Variants in OSR1 observed in about 807,000 individuals in gnomAD.
OSR1 encodes odd-skipped related transcription factor 1, also known as protein odd-skipped-related 1.
Under a neutral mutation model 15.7 loss-of-function variants are expected in OSR1, and 3 were observed. That is an observed-to-expected ratio of 0.19 (90% confidence interval 0.09 to 0.50). The LOEUF is 0.50. Among genes scored for constraint, OSR1 ranks in the 20% least tolerant of loss-of-function variants. OSR1 has a pLI of 0.97. For missense variants in OSR1, 271 were observed against 351.1 expected (o/e 0.77, Z 1.82); for synonymous variants, 166 against 152.7 (o/e 1.09, Z -0.64).
Position 19,352,234 on chromosome 2 carries a change from G to A in OSR1, c.*41C>T. 1 of 1,608,302 alleles carries A rather than the reference G, an allele frequency of 6.2e-7. No individual in the cohort carries two copies. The highest frequency in any genetic ancestry group is 2.2e-5 in the East Asian group (1 of 44,792). Reference sequence around the variant, plus strand: ...AGGCTTCTGGTCCCTATGGAGGAGAGGGCCGCTGGGCCTAGGGTCCTTGTG... The same window carrying A: ...AGGCTTCTGGTCCCTATGGAGGAGAAGGCCGCTGGGCCTAGGGTCCTTGTG... On this transcript the variant is annotated 3_prime_UTR_variant, in exon 3 of 3. Coordinates refer to ENST00000272223, the MANE Select transcript of OSR1 (RefSeq NM_145260.3).
chr2:19,350,061 CG>C (rs1664806841), downstream of OSR1, among the ~76,000 whole-genome samples: 1 of 152,130 alleles, frequency 6.6e-6, no homozygotes, highest in South Asian at 2.1e-4. Context: ...GGGCCGCGCG[CG>C]ACCTTGTGAA....
At chr2:19,356,627 G>C (rs1215963918) in intron 1 of OSR1, 1 of 152,240 alleles carries the variant, frequency 6.6e-6, no homozygotes, top group Non-Finnish European at 1.5e-5. Flanking sequence ...GAATACTTTC[G>C]ATCTTTAAAC....
chr2:19,353,454 C>G lies in OSR1; in HGVS notation c.352G>C (p.Asp118His). ...VPALKTKPRF[D>H]FANLALAATQ... ...GCTGCCAAGGCCAGGTTGGCAAAAT[C>G]AAAGCGCGGCTTGGTCTTGAGCGCT... Residue 118 changes from aspartate (D) to histidine (H), a missense_variant, in exon 2 of 3, where the codon GAT becomes CAT. Physicochemically the swap from Asp to His is moderately conservative, Grantham distance 81. Transcript: ENST00000272223. 1 of 1,614,008 alleles carries G rather than the reference C, an allele frequency of 6.2e-7. No individual in the cohort carries two copies. The highest frequency in any genetic ancestry group is 8.5e-7 in the Non-Finnish European group (1 of 1,179,850).
In OSR1 at chr2:19,354,160, T is replaced by A. The variant is rs374532476; in HGVS notation, c.-32-323A>T. ...GGAACAAGCAAAGGGAAACTGCCTG[T>A]CCTGTAGAAATTGACATCCAGGTAA... On this transcript the variant is annotated intron_variant, in intron 1 of 2. Transcript: ENST00000272223. 3.1e-5 allele frequency: 7 copies of A among 227,622 alleles called. No homozygotes were observed. In the East Asian group the frequency reaches 4.5e-4, roughly 15 times the overall value. 14.1% of individuals were successfully genotyped at this position (227,622 alleles called of 1,614,324 possible). A position where few individuals can be genotyped will look rare whatever the true frequency, so the allele number is the denominator to read the frequency against.
At chr2:19,347,545 G>A (rs1664752338), downstream of OSR1, among the ~76,000 whole-genome samples, 2 of 152,198 alleles carry the variant, frequency 1.3e-5, no homozygotes, top group Non-Finnish European at 1.5e-5. Context: ...AGCATCTCAA[G>A]TCCGTAATGA....
At chr2:19,352,991 G>A (rs562995143) in intron 2 of OSR1, 150 bp downstream of exon 2, 3 of 1,006,374 alleles carry the variant, frequency 3.0e-6, no homozygotes, top group African/African-American at 3.3e-5. Context: ...CCTATCCCTG[G>A]ATCTCCTAGG....
chr2:19,358,366 G>C lies in OSR1; in HGVS notation c.-58C>G, dbSNP rs937882911. 1 of 152,410 alleles carries C rather than the reference G, an allele frequency of 6.6e-6. No individual in the cohort carries two copies. The highest frequency in any genetic ancestry group is 1.5e-5 in the Non-Finnish European group (1 of 68,210). 9.4% of individuals were successfully genotyped at this position (152,410 alleles called of 1,614,324 possible). On this transcript the variant is annotated 5_prime_UTR_variant, in exon 1 of 3. Transcript: ENST00000272223. Reference sequence around the variant, plus strand: ...CTTGTTCCGCAGAGGTCCTGGGGCTGAGCACGTCTCTGGGGCTTTAGCTGA... The same window carrying C: ...CTTGTTCCGCAGAGGTCCTGGGGCTCAGCACGTCTCTGGGGCTTTAGCTGA...
chr2:19,353,850 G>T lies in OSR1; in HGVS notation c.-32-13C>A. Reference sequence around the variant, plus strand: ...TCTCAATCCGGATCTGCAAAGAAAAGAAGAAGGCAGGGGCGTGGAGAGGAA... The same window carrying T: ...TCTCAATCCGGATCTGCAAAGAAAATAAGAAGGCAGGGGCGTGGAGAGGAA... On this transcript the variant is annotated splice_polypyrimidine_tract_variant and intron_variant, in intron 1 of 2. Transcript: ENST00000272223. The T allele has an allele frequency of 6.4e-7, 1 of 1,564,018 alleles. No homozygotes were observed. The highest frequency in any genetic ancestry group is 8.7e-7 in the Non-Finnish European group (1 of 1,151,986).
At position 19,352,158 on chromosome 2, in the gene OSR1, G is replaced by A. The variant is rs1572259064; in HGVS notation, c.*117C>T. On this transcript the variant is annotated 3_prime_UTR_variant, in exon 3 of 3. Coordinates refer to ENST00000272223, the MANE Select transcript of OSR1 (RefSeq NM_145260.3). The stretch of plus-strand genomic sequence containing the variant: ...CGCCAGGGACCCAGGGGACAATGTT[G>A]GAGAGGTGGAAGGTCCCGAGCGAGC... The A allele has an allele frequency of 8.3e-7, 1 of 1,206,662 alleles. No homozygotes were observed. The highest frequency in any genetic ancestry group is 1.1e-6 in the Non-Finnish European group (1 of 874,140). 74.7% of individuals were successfully genotyped at this position (1,206,662 alleles called of 1,614,324 possible). A position where few individuals can be genotyped will look rare whatever the true frequency, so the allele number is the denominator to read the frequency against.
downstream of OSR1, chr2:19,346,866 A>G (rs1219156098): frequency 1.3e-5 from 2 of 152,198 alleles, no homozygotes; most frequent in Non-Finnish European, 2.9e-5. Flanking sequence ...CACTTGCCAC[A>G]TACGTACATA....
Position 19,352,074 on chromosome 2 carries a change from G to T in OSR1, c.*201C>A. The stretch of plus-strand genomic sequence containing the variant: ...TGGCCAAGAGTTTAGCCGCGTCCTA[G>T]GGGAGCAGCAGGGACGGTCGGGGTC... On this transcript the variant is annotated 3_prime_UTR_variant, in exon 3 of 3. Coordinates refer to ENST00000272223, the MANE Select transcript of OSR1 (RefSeq NM_145260.3). The T allele has an allele frequency of 4.0e-6, 2 of 500,160 alleles. No individual in the cohort carries two copies. Among genetic ancestry groups the T allele is most frequent in the Non-Finnish European group, 7.0e-6 (2 of 287,324 alleles). The allele number at this position is 500,160 out of a possible 1,614,324, so 31.0% of individuals were successfully genotyped here. A position where few individuals can be genotyped will look rare whatever the true frequency, so the allele number is the denominator to read the frequency against.
At chr2:19,354,152 A>G (rs1664901570) in intron 1 of OSR1, 4 of 247,610 alleles carry the variant, frequency 1.6e-5, no homozygotes, top group Admixed American at 1.4e-4. Flanking sequence ...GCAAAGGGAA[A>G]CTGCCTGTCC....
chr2:19,349,064 G>T (rs896680640), downstream of OSR1, among the ~76,000 whole-genome samples: 4 of 152,206 alleles, frequency 2.6e-5, no homozygotes, highest in Non-Finnish European at 2.9e-5. Context: ...TGTGATGGGG[G>T]TCTGGAGAGG....
At chr2:19,346,557 G>C (rs2103354873), downstream of OSR1, 1 of 152,386 alleles carries the variant, frequency 6.6e-6, no homozygotes, top group East Asian at 1.9e-4. Flanking sequence ...TTGAGACCAG[G>C]AGTTCAAGAC....
downstream of OSR1, chr2:19,348,643 T>C (rs900123992): frequency 3.9e-5 from 6 of 154,082 alleles, no homozygotes; most frequent in African/African-American, 1.4e-4. Flanking sequence ...CTCCCCACAA[T>C]GTGAGCAGTG....
intron 2 of OSR1, 68 bp from the exon 3 acceptor site, chr2:19,352,478 C>T (rs1178119440): frequency 1.9e-6 from 3 of 1,573,086 alleles, no homozygotes; most frequent in African/African-American, 1.3e-5. Flanking sequence ...GCCCAAGATC[C>T]CCTCCCACTG....
rs1034608339 is a variant in OSR1, at chr2:19,352,716, C to T, written c.666-306G>A. ...GAAGATGAGTAAAGGGAGCTGGGGT[C>T]GGACAATTTGCTCGACCTGCGCTGT... is the stretch of plus-strand genomic sequence containing the variant. On this transcript the variant is annotated intron_variant, in intron 2 of 2. Coordinates refer to ENST00000272223, the MANE Select transcript of OSR1 (RefSeq NM_145260.3). Among the ~76,000 whole-genome samples the T allele has an allele frequency of 2.0e-5, 3 of 152,180 alleles. No individual in the cohort carries two copies. The East Asian group carries it at 5.8e-4, about 29-fold the overall frequency.
At chr2:19,350,450 T>G (rs1334386629), downstream of OSR1, among the ~76,000 whole-genome samples, 1 of 152,116 alleles carries the variant, frequency 6.6e-6, no homozygotes, top group Non-Finnish European at 1.5e-5. Flanking sequence ...CAGAGCGTTT[T>G]AACTTCTGCA....
At chr2:19,349,794 C>CGT (rs1664801160), downstream of OSR1, among the ~76,000 whole-genome samples, 1 of 145,974 alleles carries the variant, frequency 6.9e-6, no homozygotes, top group South Asian at 2.2e-4. Context: ...GGAAGGGCAC[C>CGT]CTGTGTGTGT....
Sources: gnomAD v4.1 joint callset for allele counts (sites outside exome capture counted in the v4.1 genomes callset) on GRCh38, gnomAD v4.1.1 for gene constraint, MANE v1.5 for transcripts, NCBI Gene and HGNC (gene_info 2026-07-23, HGNC 2026-07-21) for gene names.